CCDC7: variants seen among roughly 807,000 people sequenced by gnomAD.
CCDC7 encodes the protein coiled-coil domain containing 7, also known as coiled-coil domain-containing protein 7.
CCDC7 carries 183 observed loss-of-function variants against 196.9 expected under a neutral mutation model. That is an observed-to-expected ratio of 0.93 (90% CI 0.82 to 1.05). The LOEUF is 1.05. Among genes scored for constraint, CCDC7 ranks in the 50% least tolerant of loss-of-function variants. The pLI is 0.00. For missense variants in CCDC7, 1,540 were observed against 1,482.2 expected, an observed-to-expected ratio of 1.04 and a Z score of -0.64; for synonymous variants, 525 against 484.6, an observed-to-expected ratio of 1.08 and a Z score of -1.10.
chr10:32,641,227 G>C (rs2066739751), intron 20 of CCDC7, among the ~76,000 whole-genome samples: 1 of 152,120 alleles, frequency 6.6e-6, no homozygotes, highest in Admixed American at 6.5e-5. Context: ...AGTTCTCCTG[G>C]ATAATATCCT....
At position 32,563,073 on chromosome 10, in the gene CCDC7, C is replaced by G. The variant is rs1287069111; in HGVS notation, c.1135-2485C>G. Among the ~76,000 whole-genome samples, 6 of 152,124 alleles carry G rather than the reference C, an allele frequency of 3.9e-5. No homozygotes were observed. In the East Asian group the frequency reaches 1.2e-3, roughly 29 times the overall value. On this transcript the variant is annotated intron_variant, in intron 13 of 41. Transcript: ENST00000639629. Reference sequence around the variant, plus strand: ...AATTGCTTCAAAGAGAATAAAATACCTAGGAATCCAACTTACAAGGGATGT... The same window carrying G: ...AATTGCTTCAAAGAGAATAAAATACGTAGGAATCCAACTTACAAGGGATGT...
intron 20 of CCDC7, among the ~76,000 whole-genome samples, chr10:32,661,191 C>T (rs1455701924): frequency 6.6e-6 from 1 of 151,170 alleles, no homozygotes; most frequent in Non-Finnish European, 1.5e-5. Context: ...CAAAAGAAGA[C>T]ATTTATGCAG....
chr10:32,670,586 CT>C (rs2073865312), intron 21 of CCDC7, among the ~76,000 whole-genome samples: 2 of 131,434 alleles, frequency 1.5e-5, no homozygotes. Context: ...GTTCCCCTTC[CT>C]GTGTCCATGT....
chr10:32,851,664 C>A, intron 39 of CCDC7, 143 bp from the exon 41 acceptor site: 1 of 744,218 alleles, frequency 1.3e-6, no homozygotes, highest in Non-Finnish European at 2.1e-6. Flanking sequence ...TTGTTGCAGT[C>A]TATGTATCCT....
downstream of CCDC7, among the ~76,000 whole-genome samples, chr10:32,881,166 A>G (rs1593813442): frequency 2.0e-5 from 3 of 152,278 alleles, no homozygotes; most frequent in Middle Eastern, 6.8e-3. Flanking sequence ...CACAGGGGCC[A>G]TGATTCCAGG....
intron 33 of CCDC7, among the ~76,000 whole-genome samples, chr10:32,837,653 T>C (rs2092706851): frequency 6.6e-6 from 1 of 151,958 alleles, no homozygotes; most frequent in African/African-American, 2.4e-5. Flanking sequence ...CTATTCACAA[T>C]AGCAAAGACT....
intron 21 of CCDC7, among the ~76,000 whole-genome samples, chr10:32,682,615 A>G (rs2075995441): frequency 6.6e-6 from 1 of 152,196 alleles, no homozygotes; most frequent in African/African-American, 2.4e-5. Flanking sequence ...CCCATCAGCA[A>G]TGTATAAAGC....
chr10:32,493,149 G>A (rs2134546732), intron 9 of CCDC7, among the ~76,000 whole-genome samples: 2 of 151,242 alleles, frequency 1.3e-5, no homozygotes, highest in South Asian at 4.2e-4. Flanking sequence ...TGTACCCTTT[G>A]ACCAACATCT....
chr10:32,600,750 G>C (rs1268459801), intron 18 of CCDC7, among the ~76,000 whole-genome samples: 1 of 152,130 alleles, frequency 6.6e-6, no homozygotes, highest in East Asian at 1.9e-4. Context: ...GAAGTAAAAA[G>C]TGATGTTACA....
chr10:32,632,139 T>TGG (rs59349566), intron 18 of CCDC7, among the ~76,000 whole-genome samples: 25 of 126,130 alleles, frequency 2.0e-4, no homozygotes, highest in African/African-American at 7.5e-4. Context: ...TTCTTTTTTT[T>TGG]GGGGGGGGGG....
chr10:32,581,985 T>C (rs1174194237), intron 16 of CCDC7, among the ~76,000 whole-genome samples: 6 of 151,642 alleles, frequency 4.0e-5, no homozygotes, highest in Non-Finnish European at 7.4e-5. Context: ...AATGAGATGC[T>C]ATCCTTAATT....
intron 28 of CCDC7, among the ~76,000 whole-genome samples, chr10:32,765,899 G>T (rs1027353196): frequency 2.0e-5 from 3 of 152,070 alleles, no homozygotes; most frequent in Non-Finnish European, 4.4e-5. Flanking sequence ...CTATAGTGAA[G>T]AAGCAGTTTT....
chr10:32,659,530 A>G (rs1284606573), intron 20 of CCDC7, among the ~76,000 whole-genome samples: 1 of 152,236 alleles, frequency 6.6e-6, no homozygotes, highest in Non-Finnish European at 1.5e-5. Context: ...CAATAAAGCA[A>G]GTTACACATT....
intron 24 of CCDC7, among the ~76,000 whole-genome samples, chr10:32,700,598 G>A (rs928490382): frequency 3.9e-5 from 6 of 152,098 alleles, no homozygotes; most frequent in East Asian, 1.9e-4. Flanking sequence ...GAAGAAAGTC[G>A]TTGGTAGCTA....
chr10:32,838,900 G>C (rs896860085), intron 33 of CCDC7, among the ~76,000 whole-genome samples: 1 of 151,922 alleles, frequency 6.6e-6, no homozygotes, highest in Admixed American at 6.6e-5. Context: ...CATAAATGAA[G>C]GAAAGATACA....
chr10:32,832,815 G>A (rs556798285), intron 32 of CCDC7, among the ~76,000 whole-genome samples: 2 of 152,030 alleles, frequency 1.3e-5, no homozygotes, highest in African/African-American at 4.8e-5. Flanking sequence ...GATTTAAAAT[G>A]TAATTGTGTG....
At chr10:32,822,341 C>G (rs534188200) in intron 31 of CCDC7, among the ~76,000 whole-genome samples, 16 of 152,120 alleles carry the variant, frequency 1.1e-4, no homozygotes, top group Non-Finnish European at 1.8e-4. Flanking sequence ...GTAATATATT[C>G]ATGATAGCAT....
At chr10:32,716,638 G>A (rs1443968245) in intron 25 of CCDC7, among the ~76,000 whole-genome samples, 1 of 152,204 alleles carries the variant, frequency 6.6e-6, no homozygotes, top group African/African-American at 2.4e-5. Context: ...TTGGTGTGCT[G>A]TATTCAGGAG....
intron 20 of CCDC7, among the ~76,000 whole-genome samples, chr10:32,640,180 C>G (rs1458339768): frequency 6.6e-6 from 1 of 152,162 alleles, no homozygotes; most frequent in East Asian, 1.9e-4. Flanking sequence ...GAGTCTAAGT[C>G]TCTTTCTAGG....
Sources: allele counts gnomAD v4.1 joint callset (sites outside exome capture counted in the v4.1 genomes callset), GRCh38; gene constraint gnomAD v4.1.1; transcripts MANE v1.5; gene names NCBI Gene and HGNC (gene_info 2026-07-23, HGNC 2026-07-21).